The following CHD5 variants were observed in gnomAD, a reference collection of about 807,000 sequenced individuals.
CHD5 encodes ATP-dependent chromatin remodeler CHD5.
Under a neutral mutation model 230.3 loss-of-function variants are expected in CHD5, and 69 were observed. The observed-to-expected ratio is 0.30, with a 90% CI of 0.25 to 0.37. CHD5 has a LOEUF of 0.37. CHD5 is among the 10% of genes least tolerant of loss of function. The pLI, the probability that CHD5 is intolerant of heterozygous loss-of-function variation, is 1.00. For missense variants in CHD5, 1,827 were observed against 2,622.8 expected, an observed-to-expected ratio of 0.70 and a Z score of 6.63; for synonymous variants, 1,064 against 1,065.9, an observed-to-expected ratio of 1.00 and a Z score of 0.03.
Position 6,129,458 on chromosome 1 carries a change from A to T in CHD5, c.3388-389T>A, listed in dbSNP as rs1666617784. Among the ~76,000 whole-genome samples, 1 of 152,104 alleles carries T rather than the reference A, an allele frequency of 6.6e-6. No homozygotes were observed. Among genetic ancestry groups the T allele is most frequent in the Non-Finnish European group, 1.5e-5 (1 of 68,004 alleles). On this transcript the variant is annotated intron_variant, in intron 22 of 41. Coordinates refer to ENST00000262450, the MANE Select transcript of CHD5 (RefSeq NM_015557.3). The surrounding 1 kb of genome is among the most constrained non-coding windows in gnomAD (Gnocchi z 6.8). ...AGCGAACCACTAATGGGACCACAAG[A>T]CCATGTGCTGGAGACACGCAGCCAC...
intron 17 of CHD5, 22 bp downstream of exon 17, chr1:6,136,495 T>G (rs1398096332): frequency 1.2e-6 from 2 of 1,612,264 alleles, no homozygotes; most frequent in Non-Finnish European, 1.7e-6. Context: ...ACCACCTCCC[T>G]AGCCAGATCC....
intron 2 of CHD5, among the ~76,000 whole-genome samples, chr1:6,160,566 TA>T (rs1667160313): frequency 6.6e-6 from 1 of 152,276 alleles, no homozygotes; most frequent in Non-Finnish European, 1.5e-5. Flanking sequence ...GCTCTCTGCT[TA>T]AGTTCACATC....
chr1:6,149,679 C>A (rs932928113), intron 7 of CHD5, among the ~76,000 whole-genome samples: 2 of 151,242 alleles, frequency 1.3e-5, no homozygotes, highest in Non-Finnish European at 2.9e-5. Context: ...GATGGATAGA[C>A]AAATGGATGG....
rs568323928 is a variant in CHD5, at chr1:6,155,445, T to C, written c.506+154A>G. ...GTGGTCTGTTAACATGAAGGGGTCCTGCCCCCTCCCTCCAGCTCCCCCAGG... is the reference window on the plus strand; with the variant it reads ...GTGGTCTGTTAACATGAAGGGGTCCCGCCCCCTCCCTCCAGCTCCCCCAGG... On this transcript the variant is annotated intron_variant, in intron 4 of 41. Transcript: ENST00000262450. The surrounding 1 kb of genome is among the most constrained non-coding windows in gnomAD (Gnocchi z 4.0). 2.2e-4 allele frequency among the ~76,000 whole-genome samples: 33 copies of C among 152,148 alleles called. No individual in the cohort carries two copies. The highest frequency in any genetic ancestry group is 7.7e-4 in the African/African-American group (32 of 41,510).
At chr1:6,159,290 A>G in intron 3 of CHD5, 46 bp downstream of exon 3, 1 of 1,548,986 alleles carries the variant, frequency 6.5e-7, no homozygotes, top group South Asian at 1.2e-5. Context: ...CAGCCCCCTT[A>G]AAGGGGGATG....
Position 6,129,487 on chromosome 1 carries a change from C to CCT in CHD5, c.3388-419_3388-418insAG, listed in dbSNP as rs1666618459. On this transcript the variant is annotated intron_variant, in intron 22 of 41. Transcript: ENST00000262450. The surrounding 1 kb of genome is among the most constrained non-coding windows in gnomAD (Gnocchi z 6.8). ...TGTGCTGGAGACACGCAGCCACCTT[C>CCT]TGAGGGCAGCAAGGAGCTGAATCTG... Among the ~76,000 whole-genome samples the CCT allele has an allele frequency of 6.6e-6, 1 of 152,190 alleles. No homozygotes were observed. Among genetic ancestry groups the CCT allele is most frequent in the Non-Finnish European group, 1.5e-5 (1 of 68,020 alleles).
chr1:6,136,643 G>C lies in CHD5; in HGVS notation c.2575-5C>G. The C allele has an allele frequency of 2.5e-6, 4 of 1,614,096 alleles. No homozygotes were observed. Among genetic ancestry groups the C allele is most frequent in the Non-Finnish European group, 3.4e-6 (4 of 1,180,020 alleles). The stretch of plus-strand genomic sequence containing the variant: ...GCTGTTTAAGACCCTAAAAAACTGA[G>C]GGGAGGAGAGTGGGGCCTGTCAGGG... On this transcript the variant is annotated splice_polypyrimidine_tract_variant and splice_region_variant and intron_variant, in intron 16 of 41. Coordinates refer to ENST00000262450, the MANE Select transcript of CHD5 (RefSeq NM_015557.3).
intron 8 of CHD5, 78 bp downstream of exon 8, chr1:6,149,167 TC>T: frequency 6.8e-7 from 1 of 1,472,808 alleles, no homozygotes; most frequent in Non-Finnish European, 9.0e-7. Context: ...CTCCCCGCAT[TC>T]TGCCCCCAAA....
chr1:6,109,288 C>T (rs2100830363), intron 38 of CHD5, among the ~76,000 whole-genome samples: 1 of 152,214 alleles, frequency 6.6e-6, no homozygotes, highest in Non-Finnish European at 1.5e-5. Context: ...CAACTCTCAC[C>T]ACAGGGCCAC....
At chr1:6,164,906 G>A (rs1042203774) in intron 2 of CHD5, among the ~76,000 whole-genome samples, 2 of 152,232 alleles carry the variant, frequency 1.3e-5, no homozygotes, top group South Asian at 2.1e-4. Flanking sequence ...GGTACAGGGG[G>A]AAGAGAGAAA....
At chr1:6,120,064 T>C (rs1209117926) in intron 33 of CHD5, among the ~76,000 whole-genome samples, 1 of 152,068 alleles carries the variant, frequency 6.6e-6, no homozygotes, top group Non-Finnish European at 1.5e-5. Context: ...TTTCGCCATG[T>C]TGGCCAGGCT....
At chr1:6,144,870 C>T (rs1666886479) in intron 11 of CHD5, among the ~76,000 whole-genome samples, 1 of 152,258 alleles carries the variant, frequency 6.6e-6, no homozygotes, top group Non-Finnish European at 1.5e-5. Context: ...AAAAACCGAT[C>T]CCGTTACCAC....
rs1436175276 is a variant in CHD5, at chr1:6,154,993, G to C, written c.507-95C>G. 3 of 1,085,936 alleles carry C rather than the reference G, an allele frequency of 2.8e-6. No homozygotes were observed. Among genetic ancestry groups the C allele is most frequent in the Non-Finnish European group, 4.0e-6 (3 of 747,684 alleles). The allele number at this position is 1,085,936 out of a possible 1,614,324, so 67.3% of individuals were successfully genotyped here. ...GGGCCCACCCCTCTGCCACATGTGC[G>C]ATCTATGGCAGCAGCCCCAGGTTCC... On this transcript the variant is annotated intron_variant, in intron 4 of 41. Transcript: ENST00000262450. This position sits in a 1 kb window ranked among gnomAD's most constrained non-coding sequence, Gnocchi z 7.0.
intron 3 of CHD5, among the ~76,000 whole-genome samples, chr1:6,157,222 C>T (rs1252857226): frequency 6.6e-6 from 1 of 152,230 alleles, no homozygotes; most frequent in African/African-American, 2.4e-5. Context: ...TCAGGCCAGT[C>T]ATGTCTTAAG....
At chr1:6,176,144 C>T (rs762970896) in intron 1 of CHD5, among the ~76,000 whole-genome samples, 25 of 152,170 alleles carry the variant, frequency 1.6e-4, no homozygotes, top group Non-Finnish European at 2.6e-4. Flanking sequence ...TTTTGTCTCC[C>T]TCCTCCCAGA....
chr1:6,109,642 G>A (rs1180433761), intron 38 of CHD5, among the ~76,000 whole-genome samples, 153 bp downstream of exon 38: 1 of 152,124 alleles, frequency 6.6e-6, no homozygotes, highest in Non-Finnish European at 1.5e-5. Context: ...CTGATGACAG[G>A]ACTGTTCCAT....
At chr1:6,118,861 C>T (rs1332270134) in intron 33 of CHD5, among the ~76,000 whole-genome samples, 1 of 151,820 alleles carries the variant, frequency 6.6e-6, no homozygotes, top group Non-Finnish European at 1.5e-5. Flanking sequence ...CCACGCCCAG[C>T]TGATTTTTGT....
At position 6,140,647 on chromosome 1, in the gene CHD5, G is replaced by A. The variant is rs539713426; in HGVS notation, c.2436+1481C>T. Reference sequence around the variant, plus strand: ...CACAGCTGGTGCACTGCATTGAATAGTGTCCCCCCAACATTCATGTCCACC... The same window carrying A: ...CACAGCTGGTGCACTGCATTGAATAATGTCCCCCCAACATTCATGTCCACC... On this transcript the variant is annotated intron_variant, in intron 15 of 41. Transcript: ENST00000262450. Among the ~76,000 whole-genome samples, 81 of 152,254 alleles carry A rather than the reference G, an allele frequency of 5.3e-4. 1 individual carries two copies. Among genetic ancestry groups the A allele is most frequent in the Admixed American group, 4.2e-3 (64 of 15,294 alleles).
At chr1:6,147,408 G>A (rs1362246662) in intron 9 of CHD5, among the ~76,000 whole-genome samples, 1 of 152,170 alleles carries the variant, frequency 6.6e-6, no homozygotes, top group Non-Finnish European at 1.5e-5. Flanking sequence ...GTCTAGGCTG[G>A]GACAATGAGG....
Sources: gnomAD v4.1 joint callset for allele counts (sites outside exome capture counted in the v4.1 genomes callset) on GRCh38, gnomAD v4.1.1 for gene constraint, Gnocchi (gnomAD v3.1) non-coding constraint, MANE v1.5 for transcripts, NCBI Gene and HGNC (gene_info 2026-07-23, HGNC 2026-07-21) for gene names.